Variants in TNIP3 observed in about 807,000 individuals in gnomAD.
TNIP3 encodes TNFAIP3-interacting protein 3.
A neutral mutation model predicts 54.1 loss-of-function variants in TNIP3; 34 were observed. The observed-to-expected ratio is 0.63, with a 90% confidence interval of 0.48 to 0.84. The LOEUF (loss-of-function observed/expected upper bound fraction) is 0.84, where lower values mean the gene tolerates loss of function less well. TNIP3 is among the 40% of genes least tolerant of loss of function. The probability of loss-of-function intolerance (pLI) is 0.00; values close to 1 mark genes in which losing one functional copy is unlikely to be tolerated. For missense variants in TNIP3, 366 were observed against 387.6 expected (o/e 0.94, Z 0.47); for synonymous variants, 134 against 136.8 (o/e 0.98, Z 0.14).
upstream of TNIP3, among the ~76,000 whole-genome samples, chr4:121,167,894 T>G (rs1730850716): frequency 6.6e-6 from 1 of 152,200 alleles, no homozygotes; most frequent in Non-Finnish European, 1.5e-5. Context: ...AATTGTCATC[T>G]CTGCTTGTAT....
At chr4:121,179,889 A>G (rs1056717696) in intron 3 of TNIP3, among the ~76,000 whole-genome samples, 1 of 152,126 alleles carries the variant, frequency 6.6e-6, no homozygotes, top group African/African-American at 2.4e-5. Context: ...GACTGAGTGG[A>G]AAGAAAGTAC....
chr4:121,213,600 G>C (rs184474410), intron 2 of TNIP3, among the ~76,000 whole-genome samples: 3 of 151,596 alleles, frequency 2.0e-5, no homozygotes, highest in Admixed American at 2.0e-4. Context: ...GGTGGCGGGC[G>C]CCTGTAGTCC....
intron 6 of TNIP3, among the ~76,000 whole-genome samples, chr4:121,149,756 ACT>A (rs1405067826): frequency 1.3e-5 from 2 of 152,034 alleles, no homozygotes; most frequent in East Asian, 1.9e-4. Context: ...ACAATGGGAG[ACT>A]CTGTCTCAAA....
chr4:121,168,836 G>A (rs1730915881), upstream of TNIP3, among the ~76,000 whole-genome samples: 1 of 152,096 alleles, frequency 6.6e-6, no homozygotes, highest in Non-Finnish European at 1.5e-5. Context: ...TTTGCTTCCT[G>A]ATTTTATTCA....
intron 5 of TNIP3, 194 bp downstream of exon 5, chr4:121,154,357 T>A: frequency 1.6e-6 from 1 of 610,588 alleles, no homozygotes; most frequent in Admixed American, 3.5e-5. Context: ...GGACAAAAAT[T>A]CTCTAAAGCC....
Position 121,151,489 on chromosome 4 carries a change from T to G in TNIP3, c.493-1270A>C, listed in dbSNP as rs180985228. 1.2e-4 allele frequency among the ~76,000 whole-genome samples: 18 copies of G among 152,290 alleles called. No homozygotes were observed. The East Asian group carries it at 3.1e-3, about 26-fold the overall frequency. On this transcript the variant is annotated intron_variant, in intron 5 of 10. Coordinates refer to ENST00000057513, the MANE Select transcript of TNIP3 (RefSeq NM_024873.6). Reference sequence around the variant, plus strand: ...GAAGTTGTAAGAGAAAAAAAGAGCTTTTTTCATCCTTCAGGGAGAATTTAA... The same window carrying G: ...GAAGTTGTAAGAGAAAAAAAGAGCTGTTTTCATCCTTCAGGGAGAATTTAA...
At chr4:121,219,016 A>G (rs760207734), upstream of TNIP3, among the ~76,000 whole-genome samples, 25 of 152,284 alleles carry the variant, frequency 1.6e-4, no homozygotes, top group Middle Eastern at 0.01. Context: ...CCTGACCAAA[A>G]TGGAGAAATG....
intron 3 of TNIP3, among the ~76,000 whole-genome samples, chr4:121,172,616 C>T (rs1463348663): frequency 1.3e-5 from 2 of 152,106 alleles, no homozygotes; most frequent in African/African-American, 2.4e-5. Context: ...AATATTCTGC[C>T]GTTTATCTGA....
At position 121,222,040 on chromosome 4, in the gene TNIP3, C is replaced by G. The variant is rs984321569; in HGVS notation, c.3+5345G>C. Among the ~76,000 whole-genome samples the G allele has an allele frequency of 3.3e-5, 5 of 152,178 alleles. No homozygotes were observed. In the East Asian group the frequency reaches 9.6e-4, roughly 29 times the overall value. On this transcript the variant is annotated intron_variant, in intron 1 of 12. Transcript: ENST00000509841. ...TTTGCTTGTCCCTGAATGTCGATCA[C>G]CAGCTCTAAAATGAGAACAGATTGT...
intron 9 of TNIP3, 56 bp from the exon 10 acceptor site, chr4:121,138,740 T>G (rs1354682334): frequency 6.7e-7 from 1 of 1,485,196 alleles, no homozygotes. Context: ...TATAGTGGCA[T>G]GTCAAAAATA....
At chr4:121,178,257 T>C (rs1225011038) in intron 3 of TNIP3, among the ~76,000 whole-genome samples, 1 of 152,218 alleles carries the variant, frequency 6.6e-6, no homozygotes, top group Non-Finnish European at 1.5e-5. Context: ...TTTCCCCATC[T>C]GTAGAGGGGT....
intron 3 of TNIP3, among the ~76,000 whole-genome samples, chr4:121,180,153 C>A (rs537240179): frequency 1.6e-4 from 24 of 152,226 alleles, no homozygotes; most frequent in African/African-American, 5.8e-4. Context: ...GTAATCCCAA[C>A]ACTTTGGGAG....
At chr4:121,191,004 C>T (rs1317502679) in intron 2 of TNIP3, among the ~76,000 whole-genome samples, 1 of 152,078 alleles carries the variant, frequency 6.6e-6, no homozygotes, top group Non-Finnish European at 1.5e-5. Flanking sequence ...CAAAATTTAC[C>T]CTCTGACAGG....
chr4:121,152,496 G>A (rs1729820149), intron 5 of TNIP3, among the ~76,000 whole-genome samples: 1 of 152,016 alleles, frequency 6.6e-6, no homozygotes, highest in African/African-American at 2.4e-5. Context: ...CATTATGCCT[G>A]TTAAAGCATG....
intron 3 of TNIP3, chr4:121,182,603 T>C (rs2148827274): frequency 6.7e-7 from 1 of 1,499,846 alleles, no homozygotes; most frequent in South Asian, 1.2e-5. Context: ...GGGGACTGTC[T>C]CCACAAATTC....
intron 1 of TNIP3, among the ~76,000 whole-genome samples, chr4:121,226,528 G>A (rs1211260411): frequency 6.6e-6 from 1 of 152,170 alleles, no homozygotes; most frequent in Non-Finnish European, 1.5e-5. Context: ...GGACACTCTG[G>A]GAGTCTCTGC....
intron 3 of TNIP3, among the ~76,000 whole-genome samples, chr4:121,174,867 A>G (rs1724214929): frequency 6.6e-6 from 1 of 152,214 alleles, no homozygotes; most frequent in Non-Finnish European, 1.5e-5. Context: ...AAGAGCTTAC[A>G]GTGTCCATTT....
intron 6 of TNIP3, among the ~76,000 whole-genome samples, chr4:121,148,030 T>A (rs187262739): frequency 5.6e-4 from 86 of 152,356 alleles, no homozygotes; most frequent in African/African-American, 2.0e-3. Context: ...TCCAGCCACA[T>A]TGACATTTTG....
At position 121,157,080 on chromosome 4, in the gene TNIP3, C is replaced by T. The variant is rs202032237; in HGVS notation, c.363+14G>A. The stretch of plus-strand genomic sequence containing the variant: ...TTTGGATCCTCCGGGCTCGAGGACC[C>T]GGGCCCCGCCCACCTCCTCCCGCTG... On this transcript the variant is annotated intron_variant, in intron 4 of 10. Transcript: ENST00000057513. 4.8e-5 allele frequency: 77 copies of T among 1,613,590 alleles called. No individual in the cohort carries two copies. The African/African-American group carries it at 8.5e-4, about 18-fold the overall frequency.
Sources: gnomAD v4.1 joint callset for allele counts (sites outside exome capture counted in the v4.1 genomes callset) on GRCh38, gnomAD v4.1.1 for gene constraint, MANE v1.5 for transcripts, NCBI Gene and HGNC (gene_info 2026-07-23, HGNC 2026-07-21) for gene names.